Variants in CDH20 observed in about 807,000 individuals in gnomAD.
CDH20 encodes cadherin-20.
Under a neutral mutation model 74.2 loss-of-function variants are expected in CDH20, and 29 were observed. The observed-to-expected ratio is 0.39, with a 90% CI of 0.29 to 0.53. The LOEUF (loss-of-function observed/expected upper bound fraction) is 0.53. Among genes scored for constraint, CDH20 ranks in the 20% least tolerant of loss-of-function variants. The pLI is 0.69. For synonymous variants in CDH20, 469 were observed against 405.4 expected, an observed-to-expected ratio of 1.16 and a Z score of -1.88; for missense variants, 988 against 1,048.3, an observed-to-expected ratio of 0.94 and a Z score of 0.79.
rs546213926 is a variant in CDH20 at position 61,446,410 on chromosome 18, G to A, written c.-152-43992G>A. The stretch of plus-strand genomic sequence containing the variant: ...CGCTCTCACTACCTTACTTGCTTCT[G>A]AACATGACCTTCTCCGCCAAGAACT... On this transcript the variant is annotated intron_variant, in intron 1 of 11. Coordinates refer to ENST00000262717, the MANE Select transcript of CDH20 (RefSeq NM_031891.4). Among the ~76,000 whole-genome samples, 7 of 152,184 alleles carry A rather than the reference G, an allele frequency of 4.6e-5. No individual in the cohort carries two copies. In the East Asian group the frequency reaches 1.4e-3, roughly 29 times the overall value.
chr18:61,508,625 T>TTAA (rs780734679), intron 6 of CDH20, among the ~76,000 whole-genome samples: 1 of 151,472 alleles, frequency 6.6e-6, no homozygotes, highest in East Asian at 1.9e-4. Context: ...TTGGAGACTA[T>TTAA]TATTATTATT....
At chr18:61,545,172 T>C (rs766323174) in intron 10 of CDH20, 28 bp downstream of exon 10, 3 of 1,459,248 alleles carry the variant, frequency 2.1e-6, no homozygotes, top group Non-Finnish European at 1.9e-6. Context: ...TGGCTATCTG[T>C]GCTTTTCTAC....
intron 10 of CDH20, among the ~76,000 whole-genome samples, chr18:61,547,838 TGCCAG>T (rs1240785121): frequency 6.6e-6 from 1 of 152,110 alleles, no homozygotes; most frequent in Non-Finnish European, 1.5e-5. Flanking sequence ...GGCTACTATA[TGCCAG>T]GCCCCTTCCA....
At chr18:61,540,656 G>A (rs1256995925) in intron 9 of CDH20, among the ~76,000 whole-genome samples, 2 of 152,088 alleles carry the variant, frequency 1.3e-5, no homozygotes, top group East Asian at 1.9e-4. Flanking sequence ...TGGGAATTAT[G>A]GGAGCTATAA....
chr18:61,435,063 C>G (rs1046011098), intron 1 of CDH20, among the ~76,000 whole-genome samples: 1 of 152,052 alleles, frequency 6.6e-6, no homozygotes, highest in African/African-American at 2.4e-5. Flanking sequence ...CAACTTTATG[C>G]GCATTCTCAC....
rs550715025 is a variant in CDH20, at chr18:61,515,243, G to T, written c.1017+7683G>T. On this transcript the variant is annotated intron_variant, in intron 6 of 11. Coordinates refer to ENST00000262717, the MANE Select transcript of CDH20 (RefSeq NM_031891.4). ...GCCCGTCGGAAAAGCGCAATATTCG[G>T]GTAGGAGTGACCCGATTTTCCAGGT... Among the ~76,000 whole-genome samples the T allele has an allele frequency of 2.6e-5, 4 of 152,248 alleles. No individual in the cohort carries two copies. In the South Asian group the frequency reaches 8.3e-4, roughly 32 times the overall value.
intron 1 of CDH20, among the ~76,000 whole-genome samples, chr18:61,472,545 G>A (rs1910219974): frequency 6.6e-6 from 1 of 152,276 alleles, no homozygotes; most frequent in South Asian, 2.1e-4. Context: ...AGCGCACTCC[G>A]TGAAAGGAGA....
chr18:61,368,623 G>A (rs943706683), intron 1 of CDH20, among the ~76,000 whole-genome samples: 2 of 151,712 alleles, frequency 1.3e-5, no homozygotes, highest in East Asian at 1.9e-4. Flanking sequence ...ATCATATAAT[G>A]TTGAAAAAAA....
At chr18:61,501,763 C>G (rs184105133) in intron 4 of CDH20, among the ~76,000 whole-genome samples, 1 of 152,150 alleles carries the variant, frequency 6.6e-6, no homozygotes, top group African/African-American at 2.4e-5. Context: ...TTTAACAATT[C>G]TACTAAGGGC....
chr18:61,403,420 A>G (rs8089621), intron 1 of CDH20, among the ~76,000 whole-genome samples: 150,109 of 152,326 alleles, frequency 0.99, 74,000 homozygotes, highest in East Asian at 1. Flanking sequence ...GGGAAACAAG[A>G]CTACCATGTT....
At chr18:61,362,982 G>A (rs1474958035) in intron 1 of CDH20, among the ~76,000 whole-genome samples, 1 of 152,098 alleles carries the variant, frequency 6.6e-6, no homozygotes, top group Non-Finnish European at 1.5e-5. Flanking sequence ...TCAAGAGACT[G>A]AATATTTAAA....
intron 1 of CDH20, among the ~76,000 whole-genome samples, chr18:61,449,192 CT>C (rs967820561): frequency 3.9e-5 from 6 of 152,136 alleles, no homozygotes; most frequent in Non-Finnish European, 8.8e-5. Flanking sequence ...AGAACAATGT[CT>C]TTCGCTTAAA....
At chr18:61,337,619 T>A (rs1909800574) in intron 1 of CDH20, among the ~76,000 whole-genome samples, 1 of 152,224 alleles carries the variant, frequency 6.6e-6, no homozygotes, top group Non-Finnish European at 1.5e-5. Context: ...ATATTTTATG[T>A]AATAAAGGTG....
chr18:61,388,013 T>C (rs1201070561), intron 1 of CDH20, among the ~76,000 whole-genome samples: 3 of 152,022 alleles, frequency 2.0e-5, no homozygotes, highest in Non-Finnish European at 4.4e-5. Flanking sequence ...CTTGCAGAAA[T>C]TAAAACCTGG....
chr18:61,359,055 A>G (rs370715474), intron 1 of CDH20, among the ~76,000 whole-genome samples: 1 of 152,220 alleles, frequency 6.6e-6, no homozygotes, highest in African/African-American at 2.4e-5. Flanking sequence ...CCTTTCTGAA[A>G]TAAATAATTA....
At chr18:61,438,903 C>T (rs1908929208) in intron 1 of CDH20, among the ~76,000 whole-genome samples, 1 of 152,074 alleles carries the variant, frequency 6.6e-6, no homozygotes, top group South Asian at 2.1e-4. Flanking sequence ...GTACATATGC[C>T]ATGGAATACT....
intron 1 of CDH20, among the ~76,000 whole-genome samples, chr18:61,400,154 C>A (rs538123250): frequency 1.3e-5 from 2 of 152,294 alleles, no homozygotes; most frequent in East Asian, 3.9e-4. Flanking sequence ...AGTGAGGGGA[C>A]AATAGGGCTG....
chr18:61,419,554 C>T (rs928531073), intron 1 of CDH20, among the ~76,000 whole-genome samples: 14 of 152,192 alleles, frequency 9.2e-5, no homozygotes, highest in Admixed American at 9.2e-4. Flanking sequence ...ACAAGAATCT[C>T]CATTTCCTCA....
chr18:61,485,420 T>C (rs1910723884), intron 1 of CDH20, among the ~76,000 whole-genome samples: 1 of 152,108 alleles, frequency 6.6e-6, no homozygotes, highest in Admixed American at 6.5e-5. Flanking sequence ...GCAAATCTAG[T>C]GCCTGGACTA....
Sources: allele counts gnomAD v4.1 joint callset (sites outside exome capture counted in the v4.1 genomes callset), GRCh38; gene constraint gnomAD v4.1.1; transcripts MANE v1.5; gene names NCBI Gene and HGNC (gene_info 2026-07-23, HGNC 2026-07-21).